The following COX10 variants were observed in gnomAD, a reference collection of about 807,000 sequenced individuals.
The protein encoded by COX10 is protoheme IX farnesyltransferase, mitochondrial.
Under a neutral mutation model 37.3 loss-of-function variants are expected in COX10, and 27 were observed. That is an observed-to-expected ratio of 0.72 (90% confidence interval 0.53 to 1.00). The LOEUF is 1.00. COX10 is among the 50% of genes least tolerant of loss of function. The pLI, the probability that COX10 is intolerant of heterozygous loss-of-function variation, is 0.00. For missense variants in COX10, 475 were observed against 563.2 expected, an observed-to-expected ratio of 0.84 and a Z score of 1.59; for synonymous variants, 222 against 229.1, an observed-to-expected ratio of 0.97 and a Z score of 0.28.
intron 6 of COX10, among the ~76,000 whole-genome samples, chr17:14,205,642 G>T (rs1381671432): frequency 6.6e-6 from 1 of 152,210 alleles, no homozygotes. Flanking sequence ...CTGCCTTCCA[G>T]CCCCCACCCT....
intron 5 of COX10, among the ~76,000 whole-genome samples, chr17:14,178,988 A>G (rs1251432747): frequency 3.3e-5 from 5 of 152,248 alleles, no homozygotes; most frequent in Non-Finnish European, 7.3e-5. Context: ...GCACTTGGCC[A>G]GATGTGTATC....
rs201257809 is a variant in COX10, at chr17:14,069,582, G to A, written c.-24G>A. On this transcript the variant is annotated 5_prime_UTR_variant, in exon 1 of 7. Coordinates refer to ENST00000261643, the MANE Select transcript of COX10 (RefSeq NM_001303.4). Reference sequence around the variant, plus strand: ...AGGAGAGAGGACACAGGGATCCCGGGGAGCGGCCCCAGACTCGTAAATTAT... The same window carrying A: ...AGGAGAGAGGACACAGGGATCCCGGAGAGCGGCCCCAGACTCGTAAATTAT... 1.6e-4 allele frequency: 254 copies of A among 1,613,844 alleles called. No homozygotes were observed. Among genetic ancestry groups the A allele is most frequent in the South Asian group, 7.6e-4 (69 of 91,016 alleles).
intron 4 of COX10, among the ~76,000 whole-genome samples, chr17:14,133,409 A>G (rs889892395): frequency 2.0e-5 from 3 of 151,684 alleles, no homozygotes; most frequent in Admixed American, 6.6e-5. Context: ...TAATTTTTAA[A>G]TTAAATTAGG....
intron 3 of COX10, among the ~76,000 whole-genome samples, chr17:14,084,952 A>G (rs187239811): frequency 6.6e-6 from 1 of 152,158 alleles, no homozygotes; most frequent in African/African-American, 2.4e-5. Flanking sequence ...GAGTCACTGC[A>G]CCCGGCCAAT....
At chr17:14,129,310 ATGTAAATG>A (rs1240926065) in intron 4 of COX10, among the ~76,000 whole-genome samples, 1 of 151,876 alleles carries the variant, frequency 6.6e-6, no homozygotes, top group Non-Finnish European at 1.5e-5. Flanking sequence ...ATATATAAAT[ATGTAAATG>A]TATATAAATA....
At chr17:14,089,475 C>A (rs1364041872) in intron 3 of COX10, among the ~76,000 whole-genome samples, 1 of 152,178 alleles carries the variant, frequency 6.6e-6, no homozygotes, top group Non-Finnish European at 1.5e-5. Context: ...TCCAACAGAG[C>A]TAGCCCAAGT....
rs146175179 is a variant in COX10 at position 14,206,862 on chromosome 17, C to T, written c.981C>T (p.Asn327=). ...ACTCCTGGCAGTTTCCTCATTTCAA[C>T]GCCCTGAGCTGGGGCCTCCGTGAAG... ...ILYSWQFPHF[N]ALSWGLREDY... The change falls in exon 7 of 7, where the codon AAC becomes AAT. Residue 327 remains asparagine, a synonymous_variant. Coordinates refer to ENST00000261643, the MANE Select transcript of COX10 (RefSeq NM_001303.4). The T allele has an allele frequency of 1.0e-3, 1,691 of 1,614,162 alleles. 4 individuals carry two copies. Among genetic ancestry groups the T allele is most frequent in the Middle Eastern group, 3.3e-3 (20 of 6,062 alleles).
intron 5 of COX10, among the ~76,000 whole-genome samples, chr17:14,168,510 A>G (rs1210285680): frequency 6.6e-6 from 1 of 152,236 alleles, no homozygotes; most frequent in African/African-American, 2.4e-5. Context: ...GAGGTTCTCC[A>G]TGAGGGCTCA....
Position 14,207,086 on chromosome 17 carries a change from A to T in COX10, c.1205A>T (p.Asp402Val). The stretch of plus-strand genomic sequence containing the variant: ...TACCTCGGCTTCCGCTTCTACGTGG[A>T]CGCAGACCGCAGGAGCTCGCGGAGA... ...ISYLGFRFYV[D>V]ADRRSSRRLF... The change falls in exon 7 of 7, where the codon GAC becomes GTC. Residue 402 changes from aspartate (D) to valine (V), a missense_variant. Asp to Val is a radical substitution (Grantham distance 152, BLOSUM62 -3). Coordinates refer to ENST00000261643, the MANE Select transcript of COX10 (RefSeq NM_001303.4). 6.2e-7 allele frequency: 1 copy of T among 1,614,008 alleles called. No homozygotes were observed. Among genetic ancestry groups the T allele is most frequent in the South Asian group, 1.1e-5 (1 of 91,086 alleles).
chr17:14,138,892 G>A (rs567697237), intron 4 of COX10, among the ~76,000 whole-genome samples: 1 of 152,252 alleles, frequency 6.6e-6, no homozygotes, highest in African/African-American at 2.4e-5. Flanking sequence ...ATGAAGCAAC[G>A]GAGTGCTGTG....
intron 6 of COX10, among the ~76,000 whole-genome samples, chr17:14,194,448 A>G (rs920011066): frequency 2.4e-4 from 36 of 152,316 alleles, no homozygotes; most frequent in African/African-American, 8.7e-4. Context: ...TTCTTTTGAG[A>G]TGGCGTCTCG....
In COX10 at chr17:14,208,175, A is replaced by G. The variant is rs1163282332; in HGVS notation, c.*962A>G. On this transcript the variant is annotated 3_prime_UTR_variant, in exon 7 of 7. Transcript: ENST00000261643. Reference sequence around the variant, plus strand: ...GTGAAAAATACATGTCCATCCTGATATCTCCTGAATTCAGAAATTAGCCTC... The same window carrying G: ...GTGAAAAATACATGTCCATCCTGATGTCTCCTGAATTCAGAAATTAGCCTC... 6.6e-6 allele frequency: 1 copy of G among 152,240 alleles called. No individual in the cohort carries two copies. The highest frequency in any genetic ancestry group is 6.5e-5 in the Admixed American group (1 of 15,288). The allele number at this position is 152,240 out of a possible 1,614,324, so 9.4% of individuals were successfully genotyped here.
chr17:14,150,524 A>G (rs9910671), intron 4 of COX10, among the ~76,000 whole-genome samples: 62,725 of 152,116 alleles, frequency 0.41, 13,246 homozygotes, highest in African/African-American at 0.51. Context: ...TGGAAAGGGC[A>G]GAGGCCTTGG....
rs774945319 is a variant in COX10, at chr17:14,174,736, T to TTTCA, written c.695+14790_695+14793dup. Among the ~76,000 whole-genome samples the TTTCA allele has an allele frequency of 1.4e-3, 215 of 151,736 alleles. 1 individual carries two copies. Among genetic ancestry groups the TTTCA allele is most frequent in the Middle Eastern group, 3.4e-3 (1 of 292 alleles). ...TCAATTCCAAGAACAGTTTGGCAGA[T>TTTCA]TTCAATAAATTTAAACAAAATTTAC... On this transcript the variant is annotated intron_variant, in intron 5 of 6. Transcript: ENST00000261643.
At chr17:14,079,854 ATATATG>A (rs773283453) in intron 3 of COX10, among the ~76,000 whole-genome samples, 48 of 26,934 alleles carry the variant, frequency 1.8e-3, no homozygotes, top group South Asian at 0.012. Context: ...ATATATATAT[ATATATG>A]TATGTATGTA....
intron 3 of COX10, among the ~76,000 whole-genome samples, chr17:14,101,629 C>T (rs915958125): frequency 8.5e-5 from 13 of 152,162 alleles, no homozygotes; most frequent in Non-Finnish European, 8.8e-5. Flanking sequence ...CCGCTGGGAC[C>T]ATCATCTCTT....
At chr17:14,180,438 C>T (rs1269005914) in intron 5 of COX10, among the ~76,000 whole-genome samples, 1 of 152,108 alleles carries the variant, frequency 6.6e-6, no homozygotes, top group African/African-American at 2.4e-5. Context: ...TACATATTGT[C>T]ATGCTTAGTC....
chr17:14,080,819 T>G (rs1796846142), intron 3 of COX10, among the ~76,000 whole-genome samples: 2 of 152,218 alleles, frequency 1.3e-5, no homozygotes, highest in Admixed American at 1.3e-4. Flanking sequence ...GGTATTTTGT[T>G]GTTTTGTTTT....
chr17:14,074,207 A>G, intron 1 of COX10, 116 bp from the exon 2 acceptor site: 3 of 1,074,562 alleles, frequency 2.8e-6, no homozygotes, highest in Non-Finnish European at 4.3e-6. Context: ...GCTCTGACCC[A>G]TCACACAGTG....
Sources: allele counts gnomAD v4.1 joint callset (sites outside exome capture counted in the v4.1 genomes callset), GRCh38; gene constraint gnomAD v4.1.1; transcripts MANE v1.5; gene names NCBI Gene and HGNC (gene_info 2026-07-23, HGNC 2026-07-21).